CYRIA: variants seen among roughly 807,000 people sequenced by gnomAD.
CYRIA encodes CYFIP-related Rac1 interactor A.
Under a neutral mutation model 43.9 loss-of-function variants are expected in CYRIA, and 15 were observed. The observed-to-expected ratio is 0.34, with a 90% confidence interval of 0.23 to 0.53. The LOEUF (loss-of-function observed/expected upper bound fraction) is 0.53, where lower values mean the gene tolerates loss of function less well. Ranked by LOEUF, CYRIA falls within the 20% of genes least tolerant of loss-of-function variation. The probability of loss-of-function intolerance (pLI) is 0.94; values close to 1 mark genes in which losing one functional copy is unlikely to be tolerated. For synonymous variants in CYRIA, 117 were observed against 136.0 expected (o/e 0.86, Z 0.97); for missense variants, 236 against 394.2 (o/e 0.60, Z 3.40).
At chr2:16,570,987 G>A (rs1667109651) in intron 3 of CYRIA, among the ~76,000 whole-genome samples, 1 of 152,104 alleles carries the variant, frequency 6.6e-6, no homozygotes, top group African/African-American at 2.4e-5. Flanking sequence ...ATTTACATGG[G>A]CAGTTTCAGA....
chr2:16,561,638 T>C lies in CYRIA; in HGVS notation c.436-105A>G, dbSNP rs1310182916. 3 of 862,720 alleles carry C rather than the reference T, an allele frequency of 3.5e-6. No individual in the cohort carries two copies. In the African/African-American group the frequency reaches 5.1e-5, roughly 15 times the overall value. 53.4% of individuals were successfully genotyped at this position (862,720 alleles called of 1,614,324 possible). Reference sequence around the variant, plus strand: ...GATTTTATAAATACTCCAGGACTTCTCTTTGTTACATAAGAGTCAAAGCAA... The same window carrying C: ...GATTTTATAAATACTCCAGGACTTCCCTTTGTTACATAAGAGTCAAAGCAA... On this transcript the variant is annotated intron_variant, in intron 6 of 11. Transcript: ENST00000381323.
At chr2:16,608,498 T>C (rs1668484021) in intron 2 of CYRIA, among the ~76,000 whole-genome samples, 1 of 152,112 alleles carries the variant, frequency 6.6e-6, no homozygotes, top group South Asian at 2.1e-4. Flanking sequence ...GAGGACGGCG[T>C]TTTGTAGTGT....
intron 3 of CYRIA, among the ~76,000 whole-genome samples, chr2:16,579,952 GT>G (rs57546570): frequency 0.018 from 2,643 of 145,862 alleles, 74 homozygotes; most frequent in African/African-American, 0.06. Flanking sequence ...TTAAAAGGAA[GT>G]TTTTTTTTTT....
intron 2 of CYRIA, among the ~76,000 whole-genome samples, chr2:16,612,688 G>A (rs995354004): frequency 6.6e-6 from 1 of 152,214 alleles, no homozygotes; most frequent in African/African-American, 2.4e-5. Context: ...TCAGCTGCAG[G>A]AGGCTGAGCT....
intron 2 of CYRIA, among the ~76,000 whole-genome samples, chr2:16,615,909 C>A (rs527452073): frequency 6.6e-6 from 1 of 152,234 alleles, no homozygotes; most frequent in Admixed American, 6.5e-5. Flanking sequence ...AGGGCAGGCG[C>A]CCTCCACAGG....
intron 1 of CYRIA, among the ~76,000 whole-genome samples, chr2:16,644,987 T>G (rs1359079791): frequency 6.6e-6 from 1 of 152,322 alleles, no homozygotes; most frequent in Non-Finnish European, 1.5e-5. Flanking sequence ...TATAAACTTC[T>G]ACTTTGATGT....
intron 1 of CYRIA, among the ~76,000 whole-genome samples, chr2:16,642,949 T>C (rs1238352788): frequency 6.6e-6 from 1 of 151,520 alleles, no homozygotes; most frequent in Non-Finnish European, 1.5e-5. Context: ...CCTTCTAATA[T>C]ACTAGAAGGC....
intron 1 of CYRIA, among the ~76,000 whole-genome samples, chr2:16,635,164 G>T (rs945421703): frequency 6.6e-6 from 1 of 152,214 alleles, no homozygotes; most frequent in African/African-American, 2.4e-5. Flanking sequence ...AACTGAGGTA[G>T]ATGTGGTGCT....
chr2:16,665,184 C>T (rs189809041), intron 1 of CYRIA, among the ~76,000 whole-genome samples: 2 of 152,270 alleles, frequency 1.3e-5, no homozygotes, highest in Non-Finnish European at 1.5e-5. Flanking sequence ...GTTCCCAAAG[C>T]TCAGTATTGG....
At chr2:16,608,926 T>C (rs977059109) in intron 2 of CYRIA, among the ~76,000 whole-genome samples, 3 of 152,172 alleles carry the variant, frequency 2.0e-5, no homozygotes, top group African/African-American at 7.2e-5. Flanking sequence ...CACATGGCTA[T>C]TAATCATACA....
intron 2 of CYRIA, among the ~76,000 whole-genome samples, chr2:16,608,141 C>T (rs1048691625): frequency 1.3e-5 from 2 of 152,124 alleles, no homozygotes; most frequent in African/African-American, 4.8e-5. Flanking sequence ...CATTTATGGC[C>T]ACTGAGATGG....
intron 10 of CYRIA, among the ~76,000 whole-genome samples, chr2:16,557,032 G>A (rs954299315): frequency 6.6e-6 from 1 of 152,080 alleles, no homozygotes; most frequent in African/African-American, 2.4e-5. Context: ...CTGGAATTCT[G>A]GATAAAATCT....
intron 1 of CYRIA, among the ~76,000 whole-genome samples, chr2:16,624,976 C>A (rs917363507): frequency 2.9e-4 from 44 of 152,316 alleles, no homozygotes; most frequent in African/African-American, 1.0e-3. Flanking sequence ...AAACTCATGT[C>A]TCCTAAATCT....
intron 1 of CYRIA, among the ~76,000 whole-genome samples, chr2:16,639,026 C>A (rs1218140656): frequency 6.6e-6 from 1 of 152,214 alleles, no homozygotes; most frequent in Non-Finnish European, 1.5e-5. Flanking sequence ...CTCAAGGCTG[C>A]ATACAGAAAA....
intron 2 of CYRIA, among the ~76,000 whole-genome samples, chr2:16,589,874 T>C (rs1270778299): frequency 2.0e-5 from 3 of 152,182 alleles, no homozygotes; most frequent in Non-Finnish European, 4.4e-5. Flanking sequence ...CTAAACATTA[T>C]AGTTATCTGA....
intron 2 of CYRIA, among the ~76,000 whole-genome samples, chr2:16,618,766 T>C (rs1414993070): frequency 1.3e-5 from 2 of 152,218 alleles, no homozygotes; most frequent in African/African-American, 2.4e-5. Context: ...TCACCATCCC[T>C]GAAAGCATGT....
At chr2:16,579,854 G>A (rs927608208) in intron 3 of CYRIA, among the ~76,000 whole-genome samples, 1 of 151,978 alleles carries the variant, frequency 6.6e-6, no homozygotes, top group African/African-American at 2.4e-5. Context: ...ATAATTAATT[G>A]TATTGACTCA....
At chr2:16,651,733 T>C (rs1669980752) in intron 1 of CYRIA, among the ~76,000 whole-genome samples, 1 of 152,226 alleles carries the variant, frequency 6.6e-6, no homozygotes, top group African/African-American at 2.4e-5. Context: ...GAGCAGGTCA[T>C]TGGCAGACCA....
chr2:16,574,654 T>G (rs1036253966), intron 3 of CYRIA, among the ~76,000 whole-genome samples: 1 of 152,220 alleles, frequency 6.6e-6, no homozygotes, highest in Non-Finnish European at 1.5e-5. Flanking sequence ...CAGTTCAGGC[T>G]GTGGCTTCAG....
Sources: allele counts gnomAD v4.1 joint callset (sites outside exome capture counted in the v4.1 genomes callset), GRCh38; gene constraint gnomAD v4.1.1; transcripts MANE v1.5; gene names NCBI Gene and HGNC (gene_info 2026-07-23, HGNC 2026-07-21).